The following DPYD variants were observed in gnomAD, a reference collection of about 807,000 sequenced individuals.
The protein encoded by DPYD is dihydropyrimidine dehydrogenase [NADP(+)].
A neutral mutation model predicts 116.2 loss-of-function variants in DPYD; 109 were observed. That is an observed-to-expected ratio of 0.94 (90% CI 0.80 to 1.10). DPYD has a LOEUF of 1.10. Ranked by LOEUF, DPYD falls within the 50% of genes least tolerant of loss-of-function variation. The pLI, the probability that DPYD is intolerant of heterozygous loss-of-function variation, is 0.00. For missense variants in DPYD, 1,302 were observed against 1,254.5 expected, an observed-to-expected ratio of 1.04 and a Z score of -0.57; for synonymous variants, 440 against 432.0, an observed-to-expected ratio of 1.02 and a Z score of -0.23.
chr1:97,441,199 A>C (rs1403784187), intron 14 of DPYD, among the ~76,000 whole-genome samples: 1 of 151,406 alleles, frequency 6.6e-6, no homozygotes, highest in Non-Finnish European at 1.5e-5. Context: ...GAGTTGATGA[A>C]GTTTCTTGGG....
intron 19 of DPYD, among the ~76,000 whole-genome samples, chr1:97,202,132 G>T (rs538137770): frequency 2.6e-5 from 4 of 152,168 alleles, no homozygotes; most frequent in African/African-American, 4.8e-5. Flanking sequence ...AACAACAAAC[G>T]AATAGCCCCG....
rs1571424991 is a variant in DPYD, at chr1:97,827,032, T to C, written c.233+1082A>G. Among the ~76,000 whole-genome samples the C allele has an allele frequency of 2.0e-5, 3 of 152,212 alleles. 1 individual carries two copies. Among genetic ancestry groups the C allele is most frequent in the Admixed American group, 2.0e-4 (3 of 15,278 alleles). On this transcript the variant is annotated intron_variant, in intron 3 of 22. Coordinates refer to ENST00000370192, the MANE Select transcript of DPYD (RefSeq NM_000110.4). The stretch of plus-strand genomic sequence containing the variant: ...CCTGTGGTTTTAAATAGAAGTGGCT[T>C]CAAAATGAGGGCAGCTTCTATTAAA...
intron 13 of DPYD, 44 bp from the exon 14 acceptor site, chr1:97,450,267 A>G (rs1293862732): frequency 3.7e-6 from 6 of 1,606,538 alleles, no homozygotes; most frequent in Non-Finnish European, 5.1e-6. Context: ...TGACAAAGAA[A>G]AGCTATAATC....
intron 12 of DPYD, among the ~76,000 whole-genome samples, chr1:97,544,863 T>G (rs1171486106): frequency 1.3e-5 from 2 of 152,138 alleles, no homozygotes; most frequent in Non-Finnish European, 2.9e-5. Context: ...TTTCAAATCT[T>G]TTTAGCTTCT....
At chr1:97,690,265 A>T (rs576937663) in intron 7 of DPYD, among the ~76,000 whole-genome samples, 1 of 152,066 alleles carries the variant, frequency 6.6e-6, no homozygotes, top group African/African-American at 2.4e-5. Flanking sequence ...TAGCTAAGAT[A>T]TATTTCTTGG....
At chr1:97,263,601 C>T (rs931782053) in intron 18 of DPYD, among the ~76,000 whole-genome samples, 4 of 152,058 alleles carry the variant, frequency 2.6e-5, no homozygotes, top group African/African-American at 7.2e-5. Context: ...AACAATTACA[C>T]TTAAGAAAAT....
intron 8 of DPYD, among the ~76,000 whole-genome samples, chr1:97,647,243 C>A (rs904069617): frequency 1.4e-4 from 22 of 151,908 alleles, no homozygotes; most frequent in African/African-American, 4.8e-4. Context: ...GTCCTTTCCA[C>A]CAATAAAAAT....
chr1:97,320,176 A>G (rs1208368682), intron 16 of DPYD, among the ~76,000 whole-genome samples: 34 of 121,366 alleles, frequency 2.8e-4, no homozygotes, highest in South Asian at 6.0e-4. Flanking sequence ...CTGGCACAAG[A>G]CAGGGATGCC....
chr1:97,447,903 T>A (rs1538175), intron 14 of DPYD, among the ~76,000 whole-genome samples: 124,859 of 152,068 alleles, frequency 0.82, 51,618 homozygotes, highest in East Asian at 0.88. Context: ...TATTTGGGAA[T>A]TTATATTTCA....
intron 10 of DPYD, among the ~76,000 whole-genome samples, chr1:97,581,728 A>G (rs541766825): frequency 7.1e-4 from 105 of 147,442 alleles, no homozygotes; most frequent in Non-Finnish European, 1.2e-3. Flanking sequence ...CCTTGGTGAC[A>G]CAGCAAGATC....
intron 20 of DPYD, among the ~76,000 whole-genome samples, chr1:97,140,502 C>A (rs1420299043): frequency 6.6e-6 from 1 of 152,080 alleles, no homozygotes; most frequent in Non-Finnish European, 1.5e-5. Context: ...AGAGTTGGCA[C>A]CTGCCCTGAT....
At chr1:97,590,007 A>C (rs1654393268) in intron 10 of DPYD, among the ~76,000 whole-genome samples, 1 of 152,146 alleles carries the variant, frequency 6.6e-6, no homozygotes, top group Non-Finnish European at 1.5e-5. Context: ...TATGTGCTAG[A>C]CCTAACCTTT....
At chr1:97,322,511 C>A (rs1570517723) in intron 16 of DPYD, among the ~76,000 whole-genome samples, 1 of 152,084 alleles carries the variant, frequency 6.6e-6, no homozygotes, top group East Asian at 1.9e-4. Context: ...AGGCTTTAAA[C>A]ATGACCTTTT....
chr1:97,577,235 A>G (rs1653323624), intron 10 of DPYD, among the ~76,000 whole-genome samples: 2 of 152,158 alleles, frequency 1.3e-5, no homozygotes, highest in African/African-American at 2.4e-5. Flanking sequence ...ACCTCCCTGC[A>G]GCACCCCCGT....
intron 10 of DPYD, among the ~76,000 whole-genome samples, chr1:97,583,925 A>T (rs1223728286): frequency 1.3e-5 from 2 of 152,168 alleles, no homozygotes; most frequent in Non-Finnish European, 2.9e-5. Flanking sequence ...TTGGGTATAT[A>T]CCCAGTAATA....
intron 14 of DPYD, among the ~76,000 whole-genome samples, chr1:97,403,552 A>G (rs909404797): frequency 2.0e-5 from 3 of 152,070 alleles, no homozygotes; most frequent in African/African-American, 7.2e-5. Context: ...GGCAGTTTCA[A>G]GGAATTGGTT....
At chr1:97,536,635 A>C (rs1650019948) in intron 12 of DPYD, among the ~76,000 whole-genome samples, 1 of 152,200 alleles carries the variant, frequency 6.6e-6, no homozygotes, top group Non-Finnish European at 1.5e-5. Flanking sequence ...TCAATCATTA[A>C]ACTACAAAAT....
intron 5 of DPYD, chr1:97,720,786 C>T (rs1459691059): frequency 6.5e-7 from 1 of 1,529,070 alleles, no homozygotes; most frequent in East Asian, 2.4e-5. Context: ...CTATACCCTT[C>T]ATATAAGCTG....
intron 20 of DPYD, among the ~76,000 whole-genome samples, chr1:97,162,655 A>C (rs2101748100): frequency 6.6e-6 from 1 of 152,234 alleles, no homozygotes; most frequent in Non-Finnish European, 1.5e-5. Context: ...GGAACCAAAA[A>C]AGAGCCCGCA....
Sources: gnomAD v4.1 joint callset for allele counts (sites outside exome capture counted in the v4.1 genomes callset) on GRCh38, gnomAD v4.1.1 for gene constraint, MANE v1.5 for transcripts, NCBI Gene and HGNC (gene_info 2026-07-23, HGNC 2026-07-21) for gene names.